The following NCK2 variants were observed in gnomAD, a reference collection of about 807,000 sequenced individuals.
The protein encoded by NCK2 is cytoplasmic protein NCK2.
Under a neutral mutation model 33.9 loss-of-function variants are expected in NCK2, and 16 were observed. The ratio of observed to expected loss-of-function variants is 0.47; its 90% confidence interval spans 0.32 to 0.72. The LOEUF is 0.72. Among genes scored for constraint, NCK2 ranks in the 30% least tolerant of loss-of-function variants. The pLI, the probability that NCK2 is intolerant of heterozygous loss-of-function variation, is 0.03. For synonymous variants in NCK2, 273 were observed against 239.9 expected (o/e 1.14, Z -1.27); for missense variants, 418 against 537.3 (o/e 0.78, Z 2.19).
chr2:105,881,584 C>G lies in NCK2; in HGVS notation c.483C>G (p.Pro161=). 2 of 1,613,864 alleles carry G rather than the reference C, an allele frequency of 1.2e-6. No individual in the cohort carries two copies. Among genetic ancestry groups the G allele is most frequent in the Non-Finnish European group, 1.7e-6 (2 of 1,180,008 alleles). Reference sequence around the variant, plus strand: ...ACAACGGGCAGATCGGCTGGTTCCCCTCCAACTACGTCTTGGAGGAGGTGG... The same window carrying G: ...ACAACGGGCAGATCGGCTGGTTCCCGTCCAACTACGTCTTGGAGGAGGTGG... ...GSYNGQIGWF[P]SNYVLEEVDE... The change falls in exon 4 of 5, where the codon CCC becomes CCG. Residue 161 remains proline (P), a synonymous_variant. Coordinates refer to ENST00000233154, the MANE Select transcript of NCK2 (RefSeq NM_003581.5).
intron 1 of NCK2, among the ~76,000 whole-genome samples, chr2:105,762,031 C>T (rs4851844): frequency 6.6e-6 from 1 of 152,040 alleles, no homozygotes; most frequent in Non-Finnish European, 1.5e-5. Flanking sequence ...GCGTTGACTA[C>T]AGTTGCAAGT....
chr2:105,764,708 C>T (rs182391192), intron 1 of NCK2, among the ~76,000 whole-genome samples: 1 of 152,330 alleles, frequency 6.6e-6, no homozygotes, highest in East Asian at 1.9e-4. Flanking sequence ...TATACTGACT[C>T]TTAAGCATAG....
At position 105,881,503 on chromosome 2, in the gene NCK2, G is replaced by A; in HGVS notation, c.402G>A (p.Lys134=). 2 of 1,614,026 alleles carry A rather than the reference G, an allele frequency of 1.2e-6. No individual in the cohort carries two copies. The highest frequency in any genetic ancestry group is 1.7e-6 in the Non-Finnish European group (2 of 1,180,004). ...AEREDELSLV[K]GSRVTVMEKC... ...GGGAGGATGAGTTGTCCCTGGTGAA[G>A]GGGTCGCGCGTCACCGTCATGGAGA... Residue 134 remains lysine, a synonymous_variant, in exon 4 of 5, where the codon AAG becomes AAA. Coordinates refer to ENST00000233154, the MANE Select transcript of NCK2 (RefSeq NM_003581.5).
At chr2:105,850,075 C>T (rs1032385802) in intron 2 of NCK2, among the ~76,000 whole-genome samples, 5 of 152,094 alleles carry the variant, frequency 3.3e-5, no homozygotes, top group Non-Finnish European at 2.9e-5. Flanking sequence ...AAGTATCTTC[C>T]GAGGCAGGTG....
intron 1 of NCK2, among the ~76,000 whole-genome samples, chr2:105,753,330 T>C (rs35666580): frequency 0.25 from 37,709 of 152,074 alleles, 5,439 homozygotes; most frequent in Middle Eastern, 0.36. Flanking sequence ...CTGAGGACCA[T>C]TGGCCTGGCT....
At chr2:105,871,266 C>T (rs138666302) in intron 3 of NCK2, among the ~76,000 whole-genome samples, 469 of 151,916 alleles carry the variant, frequency 3.1e-3, no homozygotes, top group African/African-American at 0.011. Flanking sequence ...CACCAGTGAG[C>T]GCTCCCACAG....
At chr2:105,816,094 T>G (rs768934174) in intron 1 of NCK2, among the ~76,000 whole-genome samples, 3 of 151,940 alleles carry the variant, frequency 2.0e-5, no homozygotes, top group African/African-American at 4.8e-5. Context: ...TTGATGGAGG[T>G]CTTTAGGCAC....
At chr2:105,834,142 T>C (rs552823695) in intron 2 of NCK2, among the ~76,000 whole-genome samples, 138 of 152,320 alleles carry the variant, frequency 9.1e-4, no homozygotes, top group South Asian at 1.9e-3. Flanking sequence ...TCTGTAAATG[T>C]CTGTTAGGTG....
intron 1 of NCK2, among the ~76,000 whole-genome samples, chr2:105,750,037 A>AACAAACAC (rs1553449507): frequency 1.5e-4 from 21 of 144,554 alleles, no homozygotes; most frequent in Admixed American, 1.0e-3. Context: ...AAAGCAAACA[A>AACAAACAC]ACACACACAC....
In NCK2 at chr2:105,854,993, G is replaced by T. The variant is rs982875773; in HGVS notation, c.-16-55G>T. The T allele has an allele frequency of 5.1e-6, 7 of 1,374,546 alleles. No individual in the cohort carries two copies. The African/African-American group carries it at 1.0e-4, about 20-fold the overall frequency. 85.1% of individuals were successfully genotyped at this position (1,374,546 alleles called of 1,614,324 possible). A position where few individuals can be genotyped will look rare whatever the true frequency, so the allele number is the denominator to read the frequency against. On this transcript the variant is annotated intron_variant, in intron 2 of 4. Coordinates refer to ENST00000233154, the MANE Select transcript of NCK2 (RefSeq NM_003581.5). ...GCCTAATTTTTCAAGTTGGTGCAAAGGATGAAGTGTCCGGGTAGTTCTCTA... is the reference window on the plus strand; with the variant it reads ...GCCTAATTTTTCAAGTTGGTGCAAATGATGAAGTGTCCGGGTAGTTCTCTA...
chr2:105,846,014 T>C (rs1313177254), intron 2 of NCK2, among the ~76,000 whole-genome samples: 1 of 152,172 alleles, frequency 6.6e-6, no homozygotes, highest in Non-Finnish European at 1.5e-5. Context: ...ATTTCATTTG[T>C]TTACAGTTAA....
chr2:105,809,167 G>A (rs1675198763), intron 1 of NCK2, among the ~76,000 whole-genome samples: 1 of 152,306 alleles, frequency 6.6e-6, no homozygotes, highest in South Asian at 2.1e-4. Flanking sequence ...GGTAGGCAAA[G>A]TGTGGGTCAC....
chr2:105,893,514 C>CT lies in NCK2; in HGVS notation c.*339dup, dbSNP rs960431012. 7.5e-6 allele frequency: 2 copies of CT among 268,416 alleles called. No individual in the cohort carries two copies. The highest frequency in any genetic ancestry group is 4.3e-5 in the African/African-American group (2 of 46,524). The allele number at this position is 268,416 out of a possible 1,614,324, so 16.6% of individuals were successfully genotyped here. A position where few individuals can be genotyped will look rare whatever the true frequency, so the allele number is the denominator to read the frequency against. On this transcript the variant is annotated 3_prime_UTR_variant, in exon 5 of 5. Coordinates refer to ENST00000233154, the MANE Select transcript of NCK2 (RefSeq NM_003581.5). ...GGCACCTGTGAGCGCAGGAGCGAGC[C>CT]TAAGGCCACCCAGCGGCAGCGCCCG...
intron 3 of NCK2, among the ~76,000 whole-genome samples, chr2:105,880,431 AAGAAG>A (rs1194153015): frequency 6.6e-6 from 1 of 152,190 alleles, no homozygotes; most frequent in Non-Finnish European, 1.5e-5. Context: ...GAAGGATTGT[AAGAAG>A]AGAAGAAAGG....
chr2:105,805,472 TAA>T (rs1327470941), intron 1 of NCK2, among the ~76,000 whole-genome samples: 1 of 152,242 alleles, frequency 6.6e-6, no homozygotes, highest in East Asian at 1.9e-4. Context: ...TTGTTTTCTA[TAA>T]GTTAAATTTT....
chr2:105,862,048 G>A (rs948875343), intron 3 of NCK2, among the ~76,000 whole-genome samples: 5 of 152,146 alleles, frequency 3.3e-5, no homozygotes, highest in East Asian at 1.9e-4. Flanking sequence ...GCCCTGCCCC[G>A]GGTAACTAAA....
intron 1 of NCK2, among the ~76,000 whole-genome samples, chr2:105,764,614 CT>C (rs1573564354): frequency 6.6e-6 from 1 of 152,302 alleles, no homozygotes; most frequent in East Asian, 1.9e-4. Flanking sequence ...CACACAGCTG[CT>C]TTATGGAGAC....
chr2:105,815,675 G>A (rs553321809), intron 1 of NCK2, among the ~76,000 whole-genome samples: 16 of 152,292 alleles, frequency 1.1e-4, no homozygotes, highest in East Asian at 3.9e-4. Flanking sequence ...TGGAGTGTTC[G>A]TCTCAGAAGT....
At chr2:105,800,836 A>G (rs2104445905) in intron 1 of NCK2, among the ~76,000 whole-genome samples, 1 of 152,338 alleles carries the variant, frequency 6.6e-6, no homozygotes. Context: ...AACATGGGAA[A>G]AAGTGAGTGG....
Sources: allele counts gnomAD v4.1 joint callset (sites outside exome capture counted in the v4.1 genomes callset), GRCh38; gene constraint gnomAD v4.1.1; transcripts MANE v1.5; gene names NCBI Gene and HGNC (gene_info 2026-07-23, HGNC 2026-07-21).